The following FAF1 variants were observed in gnomAD, a reference collection of about 807,000 sequenced individuals.
FAF1 encodes the protein FAS-associated factor 1.
FAF1 carries 25 observed loss-of-function variants against 92.5 expected under a neutral mutation model. The ratio of observed to expected loss-of-function variants is 0.27; its 90% CI spans 0.20 to 0.38. The LOEUF (loss-of-function observed/expected upper bound fraction) is 0.38, where lower values mean the gene tolerates loss of function less well. Among genes scored for constraint, FAF1 ranks in the 10% least tolerant of loss-of-function variants. The pLI, the probability that FAF1 is intolerant of heterozygous loss-of-function variation, is 1.00. For synonymous variants in FAF1, 234 were observed against 273.2 expected (o/e 0.86, Z 1.42); for missense variants, 636 against 793.3 (o/e 0.80, Z 2.38).
At chr1:50,801,168 T>C (rs984890581) in intron 3 of FAF1, among the ~76,000 whole-genome samples, 2 of 152,158 alleles carry the variant, frequency 1.3e-5, no homozygotes, top group Admixed American at 6.5e-5. Flanking sequence ...CTCTGAAGAG[T>C]TGCATTATTA....
rs180909842 is a variant in FAF1 at position 50,848,702 on chromosome 1, A to T, written c.114+9227T>A. Among the ~76,000 whole-genome samples, 271 of 152,310 alleles carry T rather than the reference A, an allele frequency of 1.8e-3. 1 individual carries two copies. The highest frequency in any genetic ancestry group is 3.2e-3 in the Non-Finnish European group (218 of 68,008). On this transcript the variant is annotated intron_variant, in intron 2 of 18. Transcript: ENST00000396153. The stretch of plus-strand genomic sequence containing the variant: ...AAATCACACCTGTGATATTCTTTCC[A>T]AGAATGCATAAACTCACTCTCTCAT...
At chr1:50,802,095 C>CTT (rs112736640) in intron 2 of FAF1, among the ~76,000 whole-genome samples, 9 of 145,398 alleles carry the variant, frequency 6.2e-5, no homozygotes, top group African/African-American at 2.3e-4. Context: ...GATTACTATT[C>CTT]TTTTTTTTTT....
Position 50,441,517 on chromosome 1 carries a change from G to T in FAF1, c.1876C>A (p.Gln626Lys). 6.5e-7 allele frequency: 1 copy of T among 1,536,528 alleles called. No homozygotes were observed. Among genetic ancestry groups the T allele is most frequent in the Non-Finnish European group, 8.8e-7 (1 of 1,135,342 alleles). ...AATAATGATTTATTTGGGTCCAGTT[G>T]AGTTACCTAAAAAGATGAAGAACAC... is the stretch of plus-strand genomic sequence containing the variant. ...LSTFPRRDVT[Q>K]LDPNKSLLEV... The change falls in exon 19 of 19, where the codon CAA becomes AAA. Residue 626 changes from glutamine to lysine, a missense_variant. Coordinates refer to ENST00000396153, the MANE Select transcript of FAF1 (RefSeq NM_007051.3).
intron 4 of FAF1, among the ~76,000 whole-genome samples, chr1:50,758,018 A>G (rs901297701): frequency 1.3e-5 from 2 of 152,094 alleles, no homozygotes; most frequent in African/African-American, 4.8e-5. Flanking sequence ...CTGACATTCA[A>G]CTGATTCTCG....
intron 6 of FAF1, among the ~76,000 whole-genome samples, chr1:50,727,863 T>C (rs925292339): frequency 6.6e-6 from 1 of 152,194 alleles, no homozygotes; most frequent in Admixed American, 6.5e-5. Flanking sequence ...CTCTTGGACT[T>C]ACACTAGTGG....
intron 2 of FAF1, among the ~76,000 whole-genome samples, chr1:50,850,743 G>A (rs1272187589): frequency 6.6e-6 from 1 of 152,048 alleles, no homozygotes; most frequent in Non-Finnish European, 1.5e-5. Flanking sequence ...TAAAGATAGA[G>A]AAGTATAACT....
At chr1:50,801,607 A>T in intron 3 of FAF1, 24 bp downstream of exon 3, 2 of 1,389,046 alleles carry the variant, frequency 1.4e-6, no homozygotes, top group Non-Finnish European at 2.0e-6. Context: ...AGTCATCTTA[A>T]CTGGTAAGCA....
chr1:50,475,909 A>G (rs2148999379), intron 17 of FAF1, among the ~76,000 whole-genome samples: 1 of 152,328 alleles, frequency 6.6e-6, no homozygotes, highest in Middle Eastern at 3.4e-3. Context: ...GATGACACAT[A>G]TTATTAAATA....
intron 1 of FAF1, among the ~76,000 whole-genome samples, chr1:50,876,436 T>C (rs1401257783): frequency 6.6e-6 from 1 of 152,300 alleles, no homozygotes; most frequent in Non-Finnish European, 1.5e-5. Flanking sequence ...CTGGAACACC[T>C]TGTAGTGCCA....
chr1:50,512,662 G>A (rs1458324822), intron 15 of FAF1, among the ~76,000 whole-genome samples: 1 of 152,144 alleles, frequency 6.6e-6, no homozygotes, highest in African/African-American at 2.4e-5. Flanking sequence ...TGAAGTTCAG[G>A]TAGTATAATG....
intron 8 of FAF1, among the ~76,000 whole-genome samples, chr1:50,601,053 C>T (rs1286893833): frequency 6.6e-6 from 1 of 152,134 alleles, no homozygotes; most frequent in Non-Finnish European, 1.5e-5. Flanking sequence ...GTAATGTGTA[C>T]ATATGCAACT....
At chr1:50,522,402 A>G (rs1040377270) in intron 15 of FAF1, among the ~76,000 whole-genome samples, 4 of 152,220 alleles carry the variant, frequency 2.6e-5, no homozygotes, top group African/African-American at 9.6e-5. Context: ...GGCAATTACT[A>G]TCTCTTAAGA....
intron 1 of FAF1, among the ~76,000 whole-genome samples, chr1:50,922,878 A>G (rs2124735032): frequency 6.6e-6 from 1 of 152,022 alleles, no homozygotes; most frequent in South Asian, 2.1e-4. Flanking sequence ...GAAAAGATAA[A>G]AAAGATCAAT....
intron 7 of FAF1, among the ~76,000 whole-genome samples, chr1:50,691,961 C>A (rs1284295543): frequency 6.6e-6 from 1 of 152,090 alleles, no homozygotes; most frequent in Non-Finnish European, 1.5e-5. Context: ...GTGGCTGACA[C>A]CTGTAATCCT....
chr1:50,613,639 T>C (rs554350778), intron 8 of FAF1, among the ~76,000 whole-genome samples: 29 of 152,274 alleles, frequency 1.9e-4, no homozygotes, highest in African/African-American at 6.7e-4. Flanking sequence ...AGATTTGAAA[T>C]GTCTCACATA....
intron 15 of FAF1, among the ~76,000 whole-genome samples, chr1:50,519,114 G>A (rs983685815): frequency 1.3e-5 from 2 of 152,116 alleles, no homozygotes; most frequent in South Asian, 2.1e-4. Context: ...CGAGAATCAC[G>A]AGGTCAGGTG....
chr1:50,712,348 G>A (rs1321626758), intron 6 of FAF1, among the ~76,000 whole-genome samples: 1 of 152,090 alleles, frequency 6.6e-6, no homozygotes, highest in Non-Finnish European at 1.5e-5. Flanking sequence ...GGTTAGTGGG[G>A]AAGGCTGTAA....
At chr1:50,715,380 C>G (rs1262820187) in intron 6 of FAF1, among the ~76,000 whole-genome samples, 1 of 152,122 alleles carries the variant, frequency 6.6e-6, no homozygotes, top group African/African-American at 2.4e-5. Context: ...GACAGGAGAA[C>G]TGCTTGAGCT....
chr1:50,451,465 A>C (rs1646292997), intron 18 of FAF1, among the ~76,000 whole-genome samples: 1 of 152,216 alleles, frequency 6.6e-6, no homozygotes, highest in African/African-American at 2.4e-5. Context: ...CTGCCTAAGA[A>C]TGCACAGGCA....
Sources: gnomAD v4.1 joint callset for allele counts (sites outside exome capture counted in the v4.1 genomes callset) on GRCh38, gnomAD v4.1.1 for gene constraint, MANE v1.5 for transcripts, NCBI Gene and HGNC (gene_info 2026-07-23, HGNC 2026-07-21) for gene names.